The following KCNQ1 variants were observed in gnomAD, a reference collection of about 807,000 sequenced individuals.
The protein encoded by KCNQ1 is potassium voltage-gated channel subfamily Q member 1, also known as potassium voltage-gated channel subfamily KQT member 1.
KCNQ1 carries 49 observed loss-of-function variants against 72.4 expected under a neutral mutation model. The ratio of observed to expected loss-of-function variants is 0.68; its 90% CI spans 0.54 to 0.86. KCNQ1 has a LOEUF of 0.86. Among genes scored for constraint, KCNQ1 ranks in the 40% least tolerant of loss-of-function variants. KCNQ1 has a pLI of 0.00. For missense variants in KCNQ1, 790 were observed against 945.1 expected, an observed-to-expected ratio of 0.84 and a Z score of 2.15; for synonymous variants, 450 against 412.6, an observed-to-expected ratio of 1.09 and a Z score of -1.10.
rs941895834 is a variant in KCNQ1 at position 2,723,075 on chromosome 11, A to C, written c.1515-45769A>C. Among the ~76,000 whole-genome samples, 1 of 152,168 alleles carries C rather than the reference A, an allele frequency of 6.6e-6. No homozygotes were observed. The highest frequency in any genetic ancestry group is 1.5e-5 in the Non-Finnish European group (1 of 68,004). ...TCCCGTGCCAGGGTGGTCTGAGCGG[A>C]GAGGACAGGGGGGATCCCAGACGGA... On this transcript the variant is annotated intron_variant, in intron 11 of 15. Coordinates refer to ENST00000155840, the MANE Select transcript of KCNQ1 (RefSeq NM_000218.3). The surrounding 1 kb of genome is among the most constrained non-coding windows in gnomAD (Gnocchi z 4.2).
chr11:2,619,368 G>T (rs762221719), intron 10 of KCNQ1: 8 of 398,390 alleles, frequency 2.0e-5, no homozygotes, highest in Non-Finnish European at 3.1e-5. Context: ...TGAACTGTTA[G>T]AATTTATCAA....
chr11:2,578,249 C>T (rs1245950387), intron 6 of KCNQ1, among the ~76,000 whole-genome samples: 1 of 152,190 alleles, frequency 6.6e-6, no homozygotes, highest in Non-Finnish European at 1.5e-5. Context: ...CATGCTGGGG[C>T]TTTGCCTGAG....
intron 9 of KCNQ1, among the ~76,000 whole-genome samples, chr11:2,587,983 G>A (rs1333890073): frequency 6.6e-6 from 1 of 152,114 alleles, no homozygotes; most frequent in Non-Finnish European, 1.5e-5. Context: ...CTCTTCAGAG[G>A]GCCTCAGGGT....
chr11:2,445,344 G>C lies in KCNQ1; in HGVS notation c.246G>C (p.Arg82=). The C allele has an allele frequency of 6.3e-7, 1 of 1,592,104 alleles. No individual in the cohort carries two copies. Among genetic ancestry groups the C allele is most frequent in the Non-Finnish European group, 8.5e-7 (1 of 1,177,056 alleles). ...APPVASDLGP[R]PPVSLDPRVS... ...CAGTTGCCTCCGACCTTGGCCCGCG[G>C]CCGCCGGTGAGCCTAGACCCGCGCG... The change falls in exon 1 of 16, where the codon CGG becomes CGC. Residue 82 remains arginine, a synonymous_variant. Transcript: ENST00000155840.
chr11:2,845,991 C>T (rs894623003), intron 15 of KCNQ1, among the ~76,000 whole-genome samples: 2 of 152,218 alleles, frequency 1.3e-5, no homozygotes, highest in Non-Finnish European at 2.9e-5. Context: ...CCCTAGCAAA[C>T]TGGTTGCTCC....
rs1383430684 is a variant in KCNQ1, at chr11:2,698,950, G to A, written c.1514+36869G>A. 2.5e-6 allele frequency: 1 copy of A among 398,428 alleles called. No individual in the cohort carries two copies. The highest frequency in any genetic ancestry group is 4.4e-6 in the Non-Finnish European group (1 of 226,078). 24.7% of individuals were successfully genotyped at this position (398,428 alleles called of 1,614,324 possible). ...AGACCCGAATTCTGATCCCAACTAGGATACCTAACTCAGAACCACAACGGG... is the reference window on the plus strand; with the variant it reads ...AGACCCGAATTCTGATCCCAACTAGAATACCTAACTCAGAACCACAACGGG... On this transcript the variant is annotated intron_variant, in intron 11 of 15. Transcript: ENST00000155840. This position sits in a 1 kb window ranked among gnomAD's most constrained non-coding sequence, Gnocchi z 5.1.
In KCNQ1 at chr11:2,753,526, C is replaced by T. The variant is rs79169427; in HGVS notation, c.1515-15318C>T. 3.2e-3 allele frequency among the ~76,000 whole-genome samples: 493 copies of T among 152,348 alleles called. 2 individuals are homozygous for T. The highest frequency in any genetic ancestry group is 0.011 in the African/African-American group (465 of 41,578). On this transcript the variant is annotated intron_variant, in intron 11 of 15. Coordinates refer to ENST00000155840, the MANE Select transcript of KCNQ1 (RefSeq NM_000218.3). Reference sequence around the variant, plus strand: ...CTCCCTCTGGAGCCTGCCTCTCTCCCGAGCAAAGTACCTGCCACCTGGGAG... The same window carrying T: ...CTCCCTCTGGAGCCTGCCTCTCTCCTGAGCAAAGTACCTGCCACCTGGGAG...
rs556298864 is a variant in KCNQ1 at position 2,562,382 on chromosome 11, G to A, written c.478-8246G>A. Among the ~76,000 whole-genome samples, 11 of 152,266 alleles carry A rather than the reference G, an allele frequency of 7.2e-5. No individual in the cohort carries two copies. The highest frequency in any genetic ancestry group is 1.9e-4 in the East Asian group (1 of 5,168). On this transcript the variant is annotated intron_variant, in intron 2 of 15. Coordinates refer to ENST00000155840, the MANE Select transcript of KCNQ1 (RefSeq NM_000218.3). This position sits in a 1 kb window ranked among gnomAD's most constrained non-coding sequence, Gnocchi z 7.5. The stretch of plus-strand genomic sequence containing the variant: ...TGCCTGAGTGCCTGCATTGCCCTCC[G>A]GCCAGCTGACCCTCCCCGGAGCCGA...
At chr11:2,546,808 T>G (rs932183508) in intron 2 of KCNQ1, among the ~76,000 whole-genome samples, 3 of 152,248 alleles carry the variant, frequency 2.0e-5, no homozygotes, top group Non-Finnish European at 4.4e-5. Context: ...TTAGGATTGT[T>G]ATGTCCTCTT....
At chr11:2,754,642 C>T (rs559780628) in intron 11 of KCNQ1, among the ~76,000 whole-genome samples, 2 of 152,300 alleles carry the variant, frequency 1.3e-5, no homozygotes, top group Admixed American at 6.5e-5. Context: ...CAATCATCCT[C>T]CAGAAGGAAA....
chr11:2,690,773 C>A lies in KCNQ1; in HGVS notation c.1514+28692C>A. On this transcript the variant is annotated intron_variant, in intron 11 of 15. Transcript: ENST00000155840. The surrounding 1 kb of genome is among the most constrained non-coding windows in gnomAD (Gnocchi z 5.1). ...AATCCCTTAGGTGGATGTGGCCTGGCAGGGGGTCAGCAGGAGGGAGGTCCC... is the reference window on the plus strand; with the variant it reads ...AATCCCTTAGGTGGATGTGGCCTGGAAGGGGGTCAGCAGGAGGGAGGTCCC... The A allele has an allele frequency of 2.5e-6, 1 of 398,596 alleles. No individual in the cohort carries two copies. The highest frequency in any genetic ancestry group is 4.4e-6 in the Non-Finnish European group (1 of 226,072). 24.7% of individuals were successfully genotyped at this position (398,596 alleles called of 1,614,324 possible).
intron 2 of KCNQ1, 151 bp downstream of exon 2, chr11:2,528,169 A>G: frequency 1.3e-6 from 1 of 744,748 alleles, no homozygotes; most frequent in Non-Finnish European, 2.4e-6. Context: ...GCACCTCCCC[A>G]GCCCCCACAC....
chr11:2,701,519 G>A (rs1225135029), intron 11 of KCNQ1, among the ~76,000 whole-genome samples: 1 of 152,218 alleles, frequency 6.6e-6, no homozygotes, highest in Non-Finnish European at 1.5e-5. Flanking sequence ...ATCACTCAGA[G>A]CCAGTGCTCA....
chr11:2,465,486 C>T (rs940960582), intron 1 of KCNQ1, among the ~76,000 whole-genome samples: 9 of 152,242 alleles, frequency 5.9e-5, no homozygotes, highest in African/African-American at 1.7e-4. Context: ...CCTCTGAGCT[C>T]GTCACTTGTC....
chr11:2,625,619 C>T, intron 10 of KCNQ1: 2 of 394,112 alleles, frequency 5.1e-6, no homozygotes, highest in Admixed American at 9.1e-5. Flanking sequence ...CTCTGTTGCC[C>T]AAGCTGAGTG....
intron 11 of KCNQ1, chr11:2,697,075 C>T: frequency 2.5e-6 from 1 of 398,502 alleles, no homozygotes; most frequent in Non-Finnish European, 4.4e-6. Context: ...CATAATAATA[C>T]TCGACATTAT....
rs1307482734 is a variant in KCNQ1 at position 2,782,818 on chromosome 11, CT to C, written c.1794+4783del. Among the ~76,000 whole-genome samples the C allele has an allele frequency of 6.6e-6, 1 of 152,152 alleles. No individual in the cohort carries two copies. Among genetic ancestry groups the C allele is most frequent in the African/African-American group, 2.4e-5 (1 of 41,452 alleles). ...TATTTGTGCCTTCACTGTTTTCCCC[CT>C]TAGTGGTCAAACTTGACACTATTCC... On this transcript the variant is annotated intron_variant, in intron 15 of 15. Coordinates refer to ENST00000155840, the MANE Select transcript of KCNQ1 (RefSeq NM_000218.3). This position sits in a 1 kb window ranked among gnomAD's most constrained non-coding sequence, Gnocchi z 6.1.
rs1255338078 is a variant in KCNQ1 at position 2,515,654 on chromosome 11, G to T, written c.387-12274G>T. On this transcript the variant is annotated intron_variant, in intron 1 of 15. Transcript: ENST00000155840. The surrounding 1 kb of genome is among the most constrained non-coding windows in gnomAD (Gnocchi z 4.7). ...CTAGGCAGGCCTCTCACAGAGACAA[G>T]ACGAGTGTCCTAGGGCAGATAGGGC... Among the ~76,000 whole-genome samples, 1 of 152,138 alleles carries T rather than the reference G, an allele frequency of 6.6e-6. No homozygotes were observed. The highest frequency in any genetic ancestry group is 1.5e-5 in the Non-Finnish European group (1 of 67,998).
intron 11 of KCNQ1, 115 bp downstream of exon 11, chr11:2,662,196 T>C (rs993726534): frequency 9.6e-5 from 136 of 1,421,588 alleles, no homozygotes; most frequent in Non-Finnish European, 1.2e-4. Flanking sequence ...ACTCGCCTAG[T>C]GCCCACCACT....
Sources: allele counts gnomAD v4.1 joint callset (sites outside exome capture counted in the v4.1 genomes callset), GRCh38; gene constraint gnomAD v4.1.1; non-coding constraint Gnocchi (gnomAD v3.1); transcripts MANE v1.5; gene names NCBI Gene and HGNC (gene_info 2026-07-23, HGNC 2026-07-21).